Variants in NIPSNAP1 observed in about 807,000 individuals in gnomAD.
NIPSNAP1 encodes the protein protein NipSnap homolog 1.
A neutral mutation model predicts 49.2 loss-of-function variants in NIPSNAP1; 25 were observed. That is an observed-to-expected ratio of 0.51 (90% CI 0.37 to 0.71). NIPSNAP1 has a LOEUF of 0.71. Ranked by LOEUF, NIPSNAP1 falls within the 30% of genes least tolerant of loss-of-function variation. The pLI is 0.00. For missense variants in NIPSNAP1, 294 were observed against 361.0 expected (o/e 0.81, Z 1.50); for synonymous variants, 143 against 140.7 (o/e 1.02, Z -0.12).
chr22:29,570,721 C>A (rs185798248), intron 1 of NIPSNAP1, among the ~76,000 whole-genome samples, 189 bp from the exon 2 acceptor site: 1 of 152,250 alleles, frequency 6.6e-6, no homozygotes, highest in East Asian at 1.9e-4. Flanking sequence ...ATTCCAGCTG[C>A]CCAGTTGGCT....
intron 3 of NIPSNAP1, 125 bp downstream of exon 3, chr22:29,570,037 T>G: frequency 2.5e-6 from 2 of 800,678 alleles, no homozygotes; most frequent in African/African-American, 1.7e-5. Flanking sequence ...AAGGCAGAAA[T>G]AAAAGAAATC....
intron 1 of NIPSNAP1, among the ~76,000 whole-genome samples, chr22:29,574,280 A>AG (rs1186764187): frequency 1.7e-4 from 22 of 131,150 alleles, no homozygotes; most frequent in East Asian, 4.6e-4. Flanking sequence ...AAAAAAAAAA[A>AG]AAAAAAAAAA....
chr22:29,574,554 G>T (rs768743254), intron 1 of NIPSNAP1, among the ~76,000 whole-genome samples: 1 of 151,834 alleles, frequency 6.6e-6, no homozygotes, highest in Non-Finnish European at 1.5e-5. Context: ...CGAGGCGGGC[G>T]GATTGCCTGA....
chr22:29,558,876 A>G lies in NIPSNAP1; in HGVS notation c.784T>C (p.Tyr262His). ...RKRGWDENVYYTVPLVRHMES... is the reference protein window; with the variant it reads ...RKRGWDENVYHTVPLVRHMES... ...CTCCAAAGGCTTCACTCACCTGTAT[A>G]GTAGACATTTTCATCCCAGCCTCTC... The change falls in exon 9 of 10, where the codon TAT (tyrosine) becomes CAT (histidine). Residue 262 changes from tyrosine (Y) to histidine (H), a missense_variant. Tyr to His is a moderately conservative substitution (Grantham distance 83, BLOSUM62 2). Transcript: ENST00000216121. 6.2e-7 allele frequency: 1 copy of G among 1,612,910 alleles called. No individual in the cohort carries two copies. Among genetic ancestry groups the G allele is most frequent in the East Asian group, 2.2e-5 (1 of 44,894 alleles).
chr22:29,559,070 T>G (rs1040366588), intron 8 of NIPSNAP1, 117 bp from the exon 9 acceptor site: 4 of 761,188 alleles, frequency 5.3e-6, no homozygotes, highest in African/African-American at 1.7e-5. Context: ...CCTCCCTAGA[T>G]GCCTCCCTCA....
At chr22:29,560,636 T>A in intron 8 of NIPSNAP1, 98 bp downstream of exon 8, 1 of 913,332 alleles carries the variant, frequency 1.1e-6, no homozygotes, top group Non-Finnish European at 1.8e-6. Context: ...GCTAGAACAT[T>A]AAGTTCTATG....
intron 4 of NIPSNAP1, among the ~76,000 whole-genome samples, chr22:29,568,518 T>A (rs901089566): frequency 3.8e-4 from 43 of 111,734 alleles, no homozygotes; most frequent in African/African-American, 6.8e-4. Flanking sequence ...AAAGGCCGGG[T>A]GCGGTGGCTC....
At chr22:29,557,205 G>A (rs987969109) in intron 9 of NIPSNAP1, among the ~76,000 whole-genome samples, 3 of 150,214 alleles carry the variant, frequency 2.0e-5, no homozygotes, top group Non-Finnish European at 3.0e-5. Context: ...TGCAACCTCC[G>A]CCTCCTGGGT....
intron 1 of NIPSNAP1, among the ~76,000 whole-genome samples, chr22:29,579,586 C>T (rs990488725): frequency 3.3e-5 from 5 of 151,738 alleles, no homozygotes; most frequent in Admixed American, 6.6e-5. Context: ...TGAGCCACCG[C>T]GCCCGGCCAT....
chr22:29,574,743 C>T (rs1339619718), intron 1 of NIPSNAP1, among the ~76,000 whole-genome samples: 1 of 147,492 alleles, frequency 6.8e-6, no homozygotes, highest in Non-Finnish European at 1.5e-5. Context: ...CGTGCCATTG[C>T]ACTCCAGACT....
intron 4 of NIPSNAP1, among the ~76,000 whole-genome samples, chr22:29,567,109 A>G (rs1209676779): frequency 6.6e-6 from 1 of 152,192 alleles, no homozygotes; most frequent in East Asian, 1.9e-4. Context: ...GTGACAGTAC[A>G]GAGCGAGGCT....
At chr22:29,559,202 A>G (rs999685230) in intron 8 of NIPSNAP1, among the ~76,000 whole-genome samples, 2 of 152,120 alleles carry the variant, frequency 1.3e-5, no homozygotes, top group African/African-American at 4.8e-5. Context: ...ATATCCATCT[A>G]CTGCCTACTT....
intron 9 of NIPSNAP1, among the ~76,000 whole-genome samples, chr22:29,558,110 A>G (rs896342199): frequency 6.6e-6 from 1 of 152,032 alleles, no homozygotes; most frequent in African/African-American, 2.4e-5. Context: ...AAAAACAAAA[A>G]CCTTATTCAA....
At chr22:29,577,577 G>A (rs950122789) in intron 1 of NIPSNAP1, among the ~76,000 whole-genome samples, 2 of 150,858 alleles carry the variant, frequency 1.3e-5, no homozygotes, top group African/African-American at 5.0e-5. Flanking sequence ...CTGCCACCAC[G>A]CCCAACTAAT....
At chr22:29,575,483 C>T (rs1236804333) in intron 1 of NIPSNAP1, among the ~76,000 whole-genome samples, 1 of 152,134 alleles carries the variant, frequency 6.6e-6, no homozygotes, top group Non-Finnish European at 1.5e-5. Flanking sequence ...GAACTCCAAG[C>T]CAGCATCCCC....
At chr22:29,558,175 A>G (rs1019505753) in intron 9 of NIPSNAP1, among the ~76,000 whole-genome samples, 1 of 152,214 alleles carries the variant, frequency 6.6e-6, no homozygotes, top group Non-Finnish European at 1.5e-5. Flanking sequence ...CACTTTTCAT[A>G]AATGAGTTTG....
At position 29,561,657 on chromosome 22, in the gene NIPSNAP1, G is replaced by A. The variant is rs1160502192; in HGVS notation, c.439-11C>T. 1.2e-6 allele frequency: 2 copies of A among 1,613,960 alleles called. No individual in the cohort carries two copies. Among genetic ancestry groups the A allele is most frequent in the African/African-American group, 2.7e-5 (2 of 74,924 alleles). On this transcript the variant is annotated splice_polypyrimidine_tract_variant and intron_variant, in intron 5 of 9. Transcript: ENST00000216121. ...GAACTCCAGGTACTCCTGTGGGCAT[G>A]GTGGTAAAGGCATGGCTACCAGGAA...
rs569128170 is a variant in NIPSNAP1 at position 29,560,479 on chromosome 22, C to G, written c.706+255G>C. ...GCCAGGATGGTCTCGATCTCTTGAC[C>G]TTGTGATTTGCCCACCTCGGCCTCC... On this transcript the variant is annotated intron_variant, in intron 8 of 9. Transcript: ENST00000216121. Among the ~76,000 whole-genome samples, 4 of 152,266 alleles carry G rather than the reference C, an allele frequency of 2.6e-5. No individual in the cohort carries two copies. The South Asian group carries it at 8.3e-4, about 32-fold the overall frequency.
intron 9 of NIPSNAP1, among the ~76,000 whole-genome samples, chr22:29,558,551 A>G (rs535020687): frequency 1.5e-3 from 232 of 152,312 alleles, no homozygotes; most frequent in African/African-American, 5.1e-3. Flanking sequence ...CAGAAGCACT[A>G]TCACCATCAC....
Sources: allele counts gnomAD v4.1 joint callset (sites outside exome capture counted in the v4.1 genomes callset), GRCh38; gene constraint gnomAD v4.1.1; transcripts MANE v1.5; gene names NCBI Gene and HGNC (gene_info 2026-07-23, HGNC 2026-07-21).